PTPRG: variants seen among roughly 807,000 people sequenced by gnomAD.
PTPRG encodes the protein receptor-type tyrosine-protein phosphatase gamma.
Under a neutral mutation model 165.3 loss-of-function variants are expected in PTPRG, and 102 were observed. That is an observed-to-expected ratio of 0.62 (90% CI 0.53 to 0.73). The LOEUF (loss-of-function observed/expected upper bound fraction) is 0.73. PTPRG is among the 30% of genes least tolerant of loss of function. PTPRG has a pLI of 0.00. For missense variants in PTPRG, 1,866 were observed against 1,861.4 expected, an observed-to-expected ratio of 1.00 and a Z score of -0.05; for synonymous variants, 675 against 669.5, an observed-to-expected ratio of 1.01 and a Z score of -0.13.
Position 61,785,311 on chromosome 3 carries a change from T to C in PTPRG, c.190+36329T>C, listed in dbSNP as rs538300814. Reference sequence around the variant, plus strand: ...CAAATGTAAAATGAAACGTGCAATTTAGCACCTATCTAGAAAAATTAAACC... The same window carrying C: ...CAAATGTAAAATGAAACGTGCAATTCAGCACCTATCTAGAAAAATTAAACC... On this transcript the variant is annotated intron_variant, in intron 2 of 29. Coordinates refer to ENST00000474889, the MANE Select transcript of PTPRG (RefSeq NM_002841.4). Among the ~76,000 whole-genome samples the C allele has an allele frequency of 1.4e-4, 21 of 152,344 alleles. 1 individual carries two copies. The South Asian group carries it at 2.9e-3, about 21-fold the overall frequency.
intron 2 of PTPRG, among the ~76,000 whole-genome samples, chr3:61,958,029 T>G (rs2040071749): frequency 6.6e-6 from 1 of 152,224 alleles, no homozygotes; most frequent in Admixed American, 6.5e-5. Flanking sequence ...TTTTTATTCT[T>G]CCAAGCAAAC....
chr3:61,641,628 C>T (rs1183270602), intron 1 of PTPRG, among the ~76,000 whole-genome samples: 3 of 152,068 alleles, frequency 2.0e-5, no homozygotes, highest in Non-Finnish European at 4.4e-5. Context: ...GATGGGCTTG[C>T]GGTTCTGTTT....
chr3:62,044,816 C>T (rs1259281299), intron 4 of PTPRG, among the ~76,000 whole-genome samples: 1 of 152,124 alleles, frequency 6.6e-6, no homozygotes, highest in Non-Finnish European at 1.5e-5. Flanking sequence ...ATTAATTACC[C>T]TTCTGTATTC....
At chr3:61,732,316 G>A (rs890110174) in intron 1 of PTPRG, among the ~76,000 whole-genome samples, 2 of 152,138 alleles carry the variant, frequency 1.3e-5, no homozygotes, top group Non-Finnish European at 2.9e-5. Flanking sequence ...AGTGGCTCAT[G>A]CCTGTAATCC....
chr3:62,290,131 CTAAAG>C (rs1256378908), intron 28 of PTPRG, among the ~76,000 whole-genome samples: 1 of 151,912 alleles, frequency 6.6e-6, no homozygotes, highest in Non-Finnish European at 1.5e-5. Context: ...GTAATAAACT[CTAAAG>C]TACCTAAAAA....
intron 15 of PTPRG, among the ~76,000 whole-genome samples, chr3:62,244,720 A>G (rs1701252209): frequency 6.6e-6 from 1 of 152,062 alleles, no homozygotes; most frequent in Non-Finnish European, 1.5e-5. Flanking sequence ...CTAATGTGCT[A>G]TTTATTTTAC....
chr3:62,057,640 C>T (rs1033463046), intron 4 of PTPRG, among the ~76,000 whole-genome samples: 4 of 152,192 alleles, frequency 2.6e-5, no homozygotes, highest in African/African-American at 9.7e-5. Context: ...CAGAGCAGTG[C>T]CCTGGACAGG....
chr3:62,056,671 G>A (rs1700645937), intron 4 of PTPRG, among the ~76,000 whole-genome samples: 1 of 152,146 alleles, frequency 6.6e-6, no homozygotes, highest in African/African-American at 2.4e-5. Flanking sequence ...TGACACAGTT[G>A]TGACAACCAA....
chr3:61,918,003 G>A lies in PTPRG; in HGVS notation c.191-71622G>A, dbSNP rs560159898. 3.0e-3 allele frequency among the ~76,000 whole-genome samples: 462 copies of A among 152,260 alleles called. 1 individual carries two copies. The highest frequency in any genetic ancestry group is 5.3e-3 in the Non-Finnish European group (359 of 68,014). On this transcript the variant is annotated intron_variant, in intron 2 of 29. Coordinates refer to ENST00000474889, the MANE Select transcript of PTPRG (RefSeq NM_002841.4). ...ATCCAAGCAGGCATTGATAAAGGAC[G>A]AGGCAAACTAATGAATCATGTAGCT...
At chr3:62,055,083 C>G (rs1465050919) in intron 4 of PTPRG, among the ~76,000 whole-genome samples, 3 of 152,190 alleles carry the variant, frequency 2.0e-5, no homozygotes, top group Non-Finnish European at 4.4e-5. Flanking sequence ...TCTGGTTGTT[C>G]TGAACTGATA....
At chr3:61,993,548 T>C (rs1373354937) in intron 3 of PTPRG, among the ~76,000 whole-genome samples, 6 of 152,148 alleles carry the variant, frequency 3.9e-5, no homozygotes. Flanking sequence ...GATTGTACAA[T>C]TAAGAGAAAT....
chr3:62,034,093 TA>T (rs1209016978), intron 4 of PTPRG, among the ~76,000 whole-genome samples: 1 of 152,156 alleles, frequency 6.6e-6, no homozygotes, highest in Non-Finnish European at 1.5e-5. Context: ...GAGAAAATGA[TA>T]ATACAAGCTA....
At chr3:61,679,553 A>G (rs9825522) in intron 1 of PTPRG, among the ~76,000 whole-genome samples, 6,090 of 152,150 alleles carry the variant, frequency 0.04, 386 homozygotes, top group African/African-American at 0.13. Flanking sequence ...GGGAGGTCAA[A>G]GCTGGTGGAT....
chr3:61,842,251 A>G (rs1028801244), intron 2 of PTPRG, among the ~76,000 whole-genome samples: 3 of 152,176 alleles, frequency 2.0e-5, no homozygotes, highest in East Asian at 1.9e-4. Context: ...CTCAGCAGCA[A>G]TAACGTTTCT....
At chr3:61,651,179 A>G (rs1362513205) in intron 1 of PTPRG, among the ~76,000 whole-genome samples, 2 of 151,888 alleles carry the variant, frequency 1.3e-5, no homozygotes, top group Non-Finnish European at 2.9e-5. Context: ...ATATACTACC[A>G]GATGGGTGTG....
intron 5 of PTPRG, 32 bp from the exon 6 acceptor site, chr3:62,132,570 G>T (rs751942035): frequency 1.3e-6 from 2 of 1,532,180 alleles, no homozygotes; most frequent in Admixed American, 3.3e-5. Flanking sequence ...TGCCAGAATA[G>T]ATTTAACCAA....
At chr3:62,110,151 C>T (rs1576014144) in intron 5 of PTPRG, among the ~76,000 whole-genome samples, 1 of 146,810 alleles carries the variant, frequency 6.8e-6, no homozygotes, top group Non-Finnish European at 1.5e-5. Flanking sequence ...ACCTCCCTCC[C>T]CATTTTTGGT....
intron 13 of PTPRG, among the ~76,000 whole-genome samples, chr3:62,230,995 G>C (rs1007746326): frequency 6.6e-6 from 1 of 152,170 alleles, no homozygotes; most frequent in African/African-American, 2.4e-5. Flanking sequence ...AATATGTAAA[G>C]ATGACTTAAA....
At position 62,219,667 on chromosome 3, in the gene PTPRG, G is replaced by A. The variant is rs1700603387; in HGVS notation, c.2288+684G>A. On this transcript the variant is annotated intron_variant, in intron 13 of 29. Transcript: ENST00000474889. The surrounding 1 kb of genome is among the most constrained non-coding windows in gnomAD (Gnocchi z 4.5). ...TGCCCTCACCTCTCAGACTAACGTA[G>A]GAGGCTTCTGCCCTTTATCTGACAG... Among the ~76,000 whole-genome samples, 2 of 152,156 alleles carry A rather than the reference G, an allele frequency of 1.3e-5. No homozygotes were observed. Among genetic ancestry groups the A allele is most frequent in the Non-Finnish European group, 2.9e-5 (2 of 68,046 alleles).
Sources: allele counts gnomAD v4.1 joint callset (sites outside exome capture counted in the v4.1 genomes callset), GRCh38; gene constraint gnomAD v4.1.1; non-coding constraint Gnocchi (gnomAD v3.1); transcripts MANE v1.5; gene names NCBI Gene and HGNC (gene_info 2026-07-23, HGNC 2026-07-21).